The following IGF1R variants were observed in gnomAD, a reference collection of about 807,000 sequenced individuals.
IGF1R encodes the protein insulin like growth factor 1 receptor.
A neutral mutation model predicts 144.6 loss-of-function variants in IGF1R; 44 were observed. The observed-to-expected ratio is 0.30, with a 90% CI of 0.24 to 0.39. The LOEUF is 0.39. Among genes scored for constraint, IGF1R ranks in the 10% least tolerant of loss-of-function variants. IGF1R has a pLI of 1.00. For synonymous variants in IGF1R, 795 were observed against 722.8 expected, an observed-to-expected ratio of 1.10 and a Z score of -1.60; for missense variants, 1,355 against 1,833.7, an observed-to-expected ratio of 0.74 and a Z score of 4.77.
chr15:98,831,433 G>A (rs1389931515), intron 2 of IGF1R, among the ~76,000 whole-genome samples: 1 of 152,192 alleles, frequency 6.6e-6, no homozygotes, highest in African/African-American at 2.4e-5. Flanking sequence ...CACCCTGTGT[G>A]ACATCTTCAC....
intron 2 of IGF1R, among the ~76,000 whole-genome samples, chr15:98,836,270 T>C (rs1234421462): frequency 6.6e-6 from 1 of 152,064 alleles, no homozygotes; most frequent in Non-Finnish European, 1.5e-5. Context: ...TGGTGGCTTA[T>C]ACCTATAATC....
intron 5 of IGF1R, among the ~76,000 whole-genome samples, chr15:98,900,281 G>GTACCTTTGCA (rs1171914826): frequency 6.6e-6 from 1 of 152,190 alleles, no homozygotes; most frequent in Non-Finnish European, 1.5e-5. Context: ...CAGCCTGTGT[G>GTACCTTTGCA]TACCTTTGCA....
intron 1 of IGF1R, among the ~76,000 whole-genome samples, chr15:98,669,010 C>T (rs1449590947): frequency 1.3e-5 from 2 of 152,162 alleles, no homozygotes; most frequent in Non-Finnish European, 2.9e-5. Flanking sequence ...AAATCTGACC[C>T]TGCCATTATG....
chr15:98,860,710 T>A (rs1032650779), intron 2 of IGF1R, among the ~76,000 whole-genome samples: 1 of 152,198 alleles, frequency 6.6e-6, no homozygotes, highest in African/African-American at 2.4e-5. Context: ...TGTGTTCTTA[T>A]GGTTTGGTTT....
chr15:98,748,757 A>G (rs78380796), intron 2 of IGF1R, among the ~76,000 whole-genome samples: 138 of 152,340 alleles, frequency 9.1e-4, no homozygotes, highest in Non-Finnish European at 1.5e-3. Context: ...TCCATTGGCA[A>G]TGGATATATG....
intron 5 of IGF1R, among the ~76,000 whole-genome samples, chr15:98,907,998 C>T (rs2014815003): frequency 6.6e-6 from 1 of 152,252 alleles, no homozygotes; most frequent in Admixed American, 6.5e-5. Flanking sequence ...CAGCCCTTTG[C>T]AAACAAGCTT....
At position 98,913,126 on chromosome 15, in the gene IGF1R, C is replaced by T; in HGVS notation, c.1672C>T (p.Pro558Ser). The T allele has an allele frequency of 6.2e-7, 1 of 1,614,204 alleles. No homozygotes were observed. Among genetic ancestry groups the T allele is most frequent in the Non-Finnish European group, 8.5e-7 (1 of 1,180,008 alleles). The change falls in exon 8 of 21, where the codon CCC becomes TCC. Residue 558 changes from proline to serine, a missense_variant. Pro to Ser is a moderately conservative substitution (Grantham distance 74, BLOSUM62 -1). This residue lies in a region of IGF1R where 880 missense variants were observed against 1,202.7 expected (regional missense o/e 0.73). Coordinates refer to ENST00000650285, the MANE Select transcript of IGF1R (RefSeq NM_000875.5). ...SWNMVDVDLP[P>S]NKDVEPGILL... ...GAACATGGTGGACGTGGACCTCCCGCCCAACAAGGACGTGGAGCCCGGCAT... is the reference window on the plus strand; with the variant it reads ...GAACATGGTGGACGTGGACCTCCCGTCCAACAAGGACGTGGAGCCCGGCAT...
intron 2 of IGF1R, among the ~76,000 whole-genome samples, chr15:98,798,415 T>C (rs2056294579): frequency 6.6e-6 from 1 of 152,104 alleles, no homozygotes; most frequent in Non-Finnish European, 1.5e-5. Context: ...ACTTCGGCTT[T>C]GACTCTGAAA....
intron 5 of IGF1R, chr15:98,900,534 C>T (rs1156636551): frequency 6.6e-6 from 1 of 152,264 alleles, no homozygotes; most frequent in East Asian, 1.9e-4. Flanking sequence ...CTGTTTTTCT[C>T]AGACTAACTC....
chr15:98,946,070 T>G (rs1011921150), intron 19 of IGF1R, among the ~76,000 whole-genome samples: 6 of 151,850 alleles, frequency 4.0e-5, no homozygotes, highest in Non-Finnish European at 5.9e-5. Context: ...CCTGGAAGGA[T>G]AAAGTCTTGT....
Position 98,869,315 on chromosome 15 carries a change from C to A in IGF1R, c.641-22010C>A, listed in dbSNP as rs77536461. ...TAAAAAAAACAAACAACAACAACAA[C>A]AAAAAAAAACACCACATACCGCATG... On this transcript the variant is annotated intron_variant, in intron 2 of 20. Coordinates refer to ENST00000650285, the MANE Select transcript of IGF1R (RefSeq NM_000875.5). Among the ~76,000 whole-genome samples the A allele has an allele frequency of 4.3e-3, 648 of 149,864 alleles. 3 individuals carry two copies. Among genetic ancestry groups the A allele is most frequent in the African/African-American group, 0.012 (490 of 40,728 alleles).
chr15:98,650,076 C>CA (rs2052314548), intron 1 of IGF1R, among the ~76,000 whole-genome samples: 1 of 152,152 alleles, frequency 6.6e-6, no homozygotes, highest in African/African-American at 2.4e-5. Context: ...CGCTGATCCC[C>CA]TGCGGCGCGC....
chr15:98,873,477 C>T (rs1034465288), intron 2 of IGF1R, among the ~76,000 whole-genome samples: 4 of 152,142 alleles, frequency 2.6e-5, no homozygotes, highest in South Asian at 2.1e-4. Flanking sequence ...TTCTCTTCAT[C>T]GAAAAAACAA....
At chr15:98,650,351 C>T (rs575818597) in intron 1 of IGF1R, among the ~76,000 whole-genome samples, 2 of 152,304 alleles carry the variant, frequency 1.3e-5, no homozygotes, top group East Asian at 3.9e-4. Context: ...GGTTACCTGC[C>T]CCCGGCGTCC....
intron 20 of IGF1R, among the ~76,000 whole-genome samples, chr15:98,954,886 C>T (rs574990503): frequency 6.6e-6 from 1 of 152,316 alleles, no homozygotes; most frequent in South Asian, 2.1e-4. Context: ...ATCCCTGTGA[C>T]ATCTGTGACT....
Position 98,891,586 on chromosome 15 carries a change from G to T in IGF1R, c.902G>T (p.Gly301Val), listed in dbSNP as rs780195678. 3 of 1,604,978 alleles carry T rather than the reference G, an allele frequency of 1.9e-6. No homozygotes were observed. The highest frequency in any genetic ancestry group is 2.5e-6 in the Non-Finnish European group (3 of 1,179,990). Residue 301 changes from glycine (G) to valine (V), a missense_variant, in exon 3 of 21, where the codon GGC (glycine) becomes GTC (valine). By Grantham distance (109) the Gly-to-Val change is moderately radical (BLOSUM62 -3). This residue lies in a region of IGF1R where 880 missense variants were observed against 1,202.7 expected (regional missense o/e 0.73). Coordinates refer to ENST00000650285, the MANE Select transcript of IGF1R (RefSeq NM_000875.5). The surrounding 1 kb of genome is among the most constrained non-coding windows in gnomAD (Gnocchi z 4.7). Reference sequence around the variant, plus strand: ...TCCGAGGGGTTTGTGATCCACGACGGCGAGTGCATGCAGGAGTGCCCCTCG... The same window carrying T: ...TCCGAGGGGTTTGTGATCCACGACGTCGAGTGCATGCAGGAGTGCCCCTCG... ...SDSEGFVIHD[G>V]ECMQECPSGF...
At position 98,961,026 on chromosome 15, in the gene IGF1R, CG is replaced by C. The variant is rs1275562292; in HGVS notation, c.*3587del. Reference sequence around the variant, plus strand: ...CTGATGATTTCGCTGGGAAGTGTGGCGGGCAGCTTTGCCTAAGCGTGGATGG... The same window carrying C: ...CTGATGATTTCGCTGGGAAGTGTGGCGGCAGCTTTGCCTAAGCGTGGATGG... On this transcript the variant is annotated 3_prime_UTR_variant, in exon 21 of 21. Coordinates refer to ENST00000650285, the MANE Select transcript of IGF1R (RefSeq NM_000875.5). The C allele has an allele frequency of 1.7e-5, 4 of 233,732 alleles. No individual in the cohort carries two copies. Among genetic ancestry groups the C allele is most frequent in the Non-Finnish European group, 2.5e-5 (3 of 118,046 alleles). 14.5% of individuals were successfully genotyped at this position (233,732 alleles called of 1,614,324 possible). A position where few individuals can be genotyped will look rare whatever the true frequency, so the allele number is the denominator to read the frequency against.
chr15:98,737,276 G>A (rs181847013), intron 2 of IGF1R, among the ~76,000 whole-genome samples: 9 of 152,324 alleles, frequency 5.9e-5, no homozygotes, highest in African/African-American at 1.4e-4. Flanking sequence ...GAACCCCAGC[G>A]TGGCATTCTC....
In IGF1R at chr15:98,891,729, G is replaced by T. The variant is rs756151051; in HGVS notation, c.953+92G>T. On this transcript the variant is annotated intron_variant, in intron 3 of 20. Coordinates refer to ENST00000650285, the MANE Select transcript of IGF1R (RefSeq NM_000875.5). The surrounding 1 kb of genome is among the most constrained non-coding windows in gnomAD (Gnocchi z 4.7). ...TAGACTCTGTCGGTTGTTTCATCCG[G>T]GTGCAGCCCTCAGGAAGTTCACTGA... 1.5e-6 allele frequency: 2 copies of T among 1,299,574 alleles called. No homozygotes were observed. Among genetic ancestry groups the T allele is most frequent in the Admixed American group, 1.9e-5 (1 of 51,724 alleles). The allele number at this position is 1,299,574 out of a possible 1,614,324, so 80.5% of individuals were successfully genotyped here. A position where few individuals can be genotyped will look rare whatever the true frequency, so the allele number is the denominator to read the frequency against.
Sources: allele counts gnomAD v4.1 joint callset (sites outside exome capture counted in the v4.1 genomes callset), GRCh38; gene constraint gnomAD v4.1.1; regional missense constraint gnomAD v4.1.1; non-coding constraint Gnocchi (gnomAD v3.1); transcripts MANE v1.5; gene names NCBI Gene and HGNC (gene_info 2026-07-23, HGNC 2026-07-21).